The following GARRE1 variants were observed in gnomAD, a reference collection of about 807,000 sequenced individuals.
The protein encoded by GARRE1 is granule associated Rac and RHOG effector protein 1.
A neutral mutation model predicts 103.2 loss-of-function variants in GARRE1; 49 were observed. The ratio of observed to expected loss-of-function variants is 0.47; its 90% CI spans 0.38 to 0.60. The LOEUF is 0.60. Ranked by LOEUF, GARRE1 falls within the 20% of genes least tolerant of loss-of-function variation. The pLI is 0.00. For synonymous variants in GARRE1, 505 were observed against 532.8 expected, an observed-to-expected ratio of 0.95 and a Z score of 0.72; for missense variants, 1,199 against 1,370.5, an observed-to-expected ratio of 0.87 and a Z score of 1.98.
chr19:34,345,874 T>G (rs939742433), intron 10 of GARRE1, among the ~76,000 whole-genome samples: 3 of 152,264 alleles, frequency 2.0e-5, no homozygotes, highest in Non-Finnish European at 2.9e-5. Flanking sequence ...ATTTGACCTC[T>G]GAGTCCTGGA....
At position 34,321,568 on chromosome 19, in the gene GARRE1, C is replaced by A. The variant is rs796851272; in HGVS notation, c.705+1452C>A. ...CTGCCGGGTTCAAACAATTCTCTGCCTCAGCCTCCCAAGTAGCTGGGATTA... is the reference window on the plus strand; with the variant it reads ...CTGCCGGGTTCAAACAATTCTCTGCATCAGCCTCCCAAGTAGCTGGGATTA... On this transcript the variant is annotated intron_variant, in intron 3 of 13. Transcript: ENST00000299505. Among the ~76,000 whole-genome samples, 29 of 152,110 alleles carry A rather than the reference C, an allele frequency of 1.9e-4. 1 individual carries two copies. The highest frequency in any genetic ancestry group is 5.5e-4 in the African/African-American group (23 of 41,500).
At chr19:34,260,841 A>G (rs1485444495) in intron 1 of GARRE1, among the ~76,000 whole-genome samples, 1 of 152,238 alleles carries the variant, frequency 6.6e-6, no homozygotes, top group Non-Finnish European at 1.5e-5. Context: ...CATGCATGGA[A>G]TGTGTTTGTA....
At chr19:34,272,719 C>T (rs1363988414) in intron 1 of GARRE1, among the ~76,000 whole-genome samples, 1 of 152,162 alleles carries the variant, frequency 6.6e-6, no homozygotes, top group African/African-American at 2.4e-5. Context: ...AGCAGAGTGC[C>T]ATGGTCTGGA....
chr19:34,352,667 G>C lies in GARRE1; in HGVS notation c.2925G>C (p.Trp975Cys). 6.2e-7 allele frequency: 1 copy of C among 1,609,000 alleles called. No individual in the cohort carries two copies. The highest frequency in any genetic ancestry group is 8.5e-7 in the Non-Finnish European group (1 of 1,175,806). The change falls in exon 14 of 14, where the codon TGG (tryptophan) becomes TGC (cysteine). Residue 975 changes from tryptophan (W) to cysteine (C), a missense_variant. Trp to Cys is a radical substitution (Grantham distance 215, BLOSUM62 -2). Transcript: ENST00000299505. ...DVNQDNKTKTWPPKAPWQHPS... is the reference protein window; with the variant it reads ...DVNQDNKTKTCPPKAPWQHPS... ...CTCAGGATAACAAAACCAAAACGTG[G>C]CCACCCAAAGCACCCTGGCAGCACC...
intron 10 of GARRE1, among the ~76,000 whole-genome samples, chr19:34,345,792 G>T (rs577857403): frequency 4.5e-4 from 68 of 152,268 alleles, no homozygotes; most frequent in Non-Finnish European, 8.1e-4. Context: ...ACTGCACTCC[G>T]GCTTGGATAA....
chr19:34,291,745 C>T (rs1174694155), intron 1 of GARRE1, among the ~76,000 whole-genome samples: 1 of 152,168 alleles, frequency 6.6e-6, no homozygotes, highest in Non-Finnish European at 1.5e-5. Flanking sequence ...GTTTCCAATA[C>T]AAGAACTTTG....
intron 8 of GARRE1, 77 bp downstream of exon 8, chr19:34,333,878 T>A: frequency 1.1e-6 from 1 of 903,424 alleles, no homozygotes; most frequent in Non-Finnish European, 1.9e-6. Flanking sequence ...GGCCTTGTTT[T>A]GAACAATGCC....
chr19:34,331,074 A>AT (rs1319181209), intron 7 of GARRE1, among the ~76,000 whole-genome samples: 1 of 150,772 alleles, frequency 6.6e-6, no homozygotes, highest in Non-Finnish European at 1.5e-5. Flanking sequence ...TAATTTTTGT[A>AT]TTTTTTAGTA....
Position 34,341,570 on chromosome 19 carries a change from A to G in GARRE1, c.1636A>G (p.Lys546Glu). 1 of 1,614,200 alleles carries G rather than the reference A, an allele frequency of 6.2e-7. No homozygotes were observed. Among genetic ancestry groups the G allele is most frequent in the Non-Finnish European group, 8.5e-7 (1 of 1,180,032 alleles). The change falls in exon 10 of 14, where the codon AAA (lysine) becomes GAA (glutamate). Residue 546 changes from lysine (K) to glutamate (E), a missense_variant. Lys to Glu is a moderately conservative substitution (Grantham distance 56). Transcript: ENST00000299505. The part of the protein sequence containing the change: ...FSKLTSRFTK[K>E]ASCTSSSSST... ...CAAACTGACATCCCGGTTCACCAAG[A>G]AAGCTTCATGTACCAGCTCCAGCAG...
At chr19:34,347,852 G>A (rs1260367649) in intron 10 of GARRE1, 25 bp from the exon 11 acceptor site, 49 of 1,493,050 alleles carry the variant, frequency 3.3e-5, no homozygotes, top group Middle Eastern at 1.8e-4. Context: ...CCCCAAACCC[G>A]GTTTATTCCT....
At chr19:34,319,849 T>C in intron 2 of GARRE1, 58 bp from the exon 3 acceptor site, 1 of 1,471,522 alleles carries the variant, frequency 6.8e-7, no homozygotes, top group Non-Finnish European at 9.5e-7. Flanking sequence ...GAAAATTTAC[T>C]GCGCGAATCC....
Position 34,257,086 on chromosome 19 carries a change from G to A in GARRE1, c.-796+2472G>A, listed in dbSNP as rs75531806. Among the ~76,000 whole-genome samples the A allele has an allele frequency of 2.3e-3, 344 of 151,944 alleles. 4 individuals are homozygous for A. In the East Asian group the frequency reaches 0.038, roughly 17 times the overall value. On this transcript the variant is annotated intron_variant, in intron 1 of 13. Transcript: ENST00000299505. ...GGAGACCAAGATAGAAAAGTTCTCA[G>A]ATTCCCTTGGCAAGCCTAGATTTTT...
intron 1 of GARRE1, among the ~76,000 whole-genome samples, chr19:34,288,356 C>T (rs1427941620): frequency 6.6e-6 from 1 of 152,156 alleles, no homozygotes; most frequent in Admixed American, 6.6e-5. Flanking sequence ...CTTCCCCCAC[C>T]ATCTTCCACC....
At chr19:34,350,309 C>T (rs328404) in intron 12 of GARRE1, among the ~76,000 whole-genome samples, 78,895 of 151,960 alleles carry the variant, frequency 0.52, 23,953 homozygotes, top group African/African-American at 0.83. Context: ...CTGTGAAGGG[C>T]GCCATGAACT....
chr19:34,319,306 G>A (rs541730636), intron 2 of GARRE1, among the ~76,000 whole-genome samples: 1 of 152,090 alleles, frequency 6.6e-6, no homozygotes, highest in African/African-American at 2.4e-5. Context: ...GGTTTCTACT[G>A]TACTCATGAG....
chr19:34,262,650 T>C (rs935843272), intron 1 of GARRE1, among the ~76,000 whole-genome samples: 1 of 152,136 alleles, frequency 6.6e-6, no homozygotes, highest in Non-Finnish European at 1.5e-5. Flanking sequence ...CAGTGTCTTA[T>C]ATATGTTTAA....
chr19:34,278,082 A>G (rs1229838901), intron 1 of GARRE1, among the ~76,000 whole-genome samples: 1 of 152,056 alleles, frequency 6.6e-6, no homozygotes, highest in Non-Finnish European at 1.5e-5. Context: ...TTTCAGTGGC[A>G]TAAGTACATT....
At chr19:34,352,207 T>C (rs2074241298) in intron 13 of GARRE1, among the ~76,000 whole-genome samples, 1 of 151,944 alleles carries the variant, frequency 6.6e-6, no homozygotes, top group Non-Finnish European at 1.5e-5. Flanking sequence ...ATCGAGACTA[T>C]CCTGGCTAAC....
Position 34,300,654 on chromosome 19 carries a change from G to A in GARRE1, c.181G>A (p.Gly61Ser). The change falls in exon 2 of 14, where the codon GGC becomes AGC. Residue 61 changes from glycine to serine, a missense_variant. Physicochemically the swap from Gly to Ser is moderately conservative, Grantham distance 56 (BLOSUM62 0). Coordinates refer to ENST00000299505, the MANE Select transcript of GARRE1 (RefSeq NM_014686.5). Reference protein sequence around the residue: ...TAPLGSLTAAGSCHHAMPHTT... With the variant: ...TAPLGSLTAASSCHHAMPHTT... ...CCCCCTGGGCAGTCTGACCGCTGCA[G>A]GCAGCTGCCACCATGCCATGCCCCA... 6.2e-7 allele frequency: 1 copy of A among 1,613,836 alleles called. No homozygotes were observed. The highest frequency in any genetic ancestry group is 1.1e-5 in the South Asian group (1 of 91,068).
Sources: allele counts gnomAD v4.1 joint callset (sites outside exome capture counted in the v4.1 genomes callset), GRCh38; gene constraint gnomAD v4.1.1; transcripts MANE v1.5; gene names NCBI Gene and HGNC (gene_info 2026-07-23, HGNC 2026-07-21).